Variants in CBLB observed in about 807,000 individuals in gnomAD.
CBLB encodes Cbl proto-oncogene B.
Under a neutral mutation model 104.9 loss-of-function variants are expected in CBLB, and 31 were observed. The observed-to-expected ratio is 0.30, with a 90% CI of 0.22 to 0.40. The LOEUF (loss-of-function observed/expected upper bound fraction) is 0.40. Ranked by LOEUF, CBLB falls within the 10% of genes least tolerant of loss-of-function variation. CBLB has a pLI of 1.00. For synonymous variants in CBLB, 440 were observed against 422.6 expected (o/e 1.04, Z -0.51); for missense variants, 1,062 against 1,214.6 (o/e 0.87, Z 1.87).
At chr3:105,798,209 C>T (rs1364194217) in intron 3 of CBLB, among the ~76,000 whole-genome samples, 2 of 152,202 alleles carry the variant, frequency 1.3e-5, no homozygotes, top group East Asian at 3.9e-4. Flanking sequence ...CTAGTTAATT[C>T]CTTTTCTAAA....
At chr3:105,786,862 C>T (rs75388770) in intron 3 of CBLB, among the ~76,000 whole-genome samples, 2,383 of 152,252 alleles carry the variant, frequency 0.016, 28 homozygotes, top group South Asian at 0.026. Flanking sequence ...TGTCATATAA[C>T]GTCATGAAAG....
At chr3:105,773,380 G>A (rs534916453) in intron 4 of CBLB, among the ~76,000 whole-genome samples, 2 of 152,270 alleles carry the variant, frequency 1.3e-5, no homozygotes, top group South Asian at 4.1e-4. Context: ...CTTTGGGGTC[G>A]TGGTGGGGAA....
chr3:105,852,238 T>C (rs1577870591), intron 3 of CBLB, among the ~76,000 whole-genome samples: 1 of 152,106 alleles, frequency 6.6e-6, no homozygotes, highest in Non-Finnish European at 1.5e-5. Context: ...AAATGCAAAT[T>C]GTTAGGTGAA....
At chr3:105,841,589 A>T (rs1423222863) in intron 3 of CBLB, among the ~76,000 whole-genome samples, 3 of 151,674 alleles carry the variant, frequency 2.0e-5, no homozygotes, top group African/African-American at 7.3e-5. Flanking sequence ...AGTAGCTGGG[A>T]CTACAGGCAC....
At chr3:105,850,138 C>G (rs915550173) in intron 3 of CBLB, among the ~76,000 whole-genome samples, 2 of 151,992 alleles carry the variant, frequency 1.3e-5, no homozygotes, top group African/African-American at 2.4e-5. Context: ...AGTGACGAGC[C>G]CAAAGTTACA....
chr3:105,758,990 G>A (rs2077347586), intron 4 of CBLB, among the ~76,000 whole-genome samples: 2 of 152,192 alleles, frequency 1.3e-5, no homozygotes, highest in South Asian at 2.1e-4. Context: ...CCCTGTTTGT[G>A]TTACTGTTTT....
chr3:105,697,553 C>T lies in CBLB; in HGVS notation c.1960-3965G>A, dbSNP rs529754645. On this transcript the variant is annotated intron_variant, in intron 12 of 18. Coordinates refer to ENST00000394030, the MANE Select transcript of CBLB (RefSeq NM_170662.5). ...CTATAATTTGTCCTTCAACGTCAGA[C>T]TGTACATGAAACCAGCACACACACA... Among the ~76,000 whole-genome samples, 22 of 152,116 alleles carry T rather than the reference C, an allele frequency of 1.4e-4. No individual in the cohort carries two copies. The South Asian group carries it at 4.6e-3, about 32-fold the overall frequency.
chr3:105,669,383 G>A (rs1415203808), intron 18 of CBLB, among the ~76,000 whole-genome samples: 1 of 152,148 alleles, frequency 6.6e-6, no homozygotes, highest in Non-Finnish European at 1.5e-5. Flanking sequence ...CTATGAACCT[G>A]GAAGAGGGCC....
chr3:105,805,490 G>A (rs1377368154), intron 3 of CBLB, among the ~76,000 whole-genome samples: 1 of 152,020 alleles, frequency 6.6e-6, no homozygotes, highest in Non-Finnish European at 1.5e-5. Flanking sequence ...ATGTTTAGTA[G>A]AGACGGGGTT....
intron 13 of CBLB, among the ~76,000 whole-genome samples, chr3:105,685,999 T>G (rs2066952854): frequency 6.6e-6 from 1 of 152,152 alleles, no homozygotes; most frequent in Admixed American, 6.5e-5. Context: ...AGTTGTTAGG[T>G]TTTTCTTCCT....
At chr3:105,683,603 A>G (rs1232837739) in intron 14 of CBLB, among the ~76,000 whole-genome samples, 1 of 152,200 alleles carries the variant, frequency 6.6e-6, no homozygotes, top group African/African-American at 2.4e-5. Flanking sequence ...AGCTCATCCT[A>G]CTTTAGTTTT....
At chr3:105,811,792 C>G (rs2084344170) in intron 3 of CBLB, among the ~76,000 whole-genome samples, 1 of 152,136 alleles carries the variant, frequency 6.6e-6, no homozygotes, top group African/African-American at 2.4e-5. Context: ...TCACAGCAAC[C>G]TCCACCTCCC....
At chr3:105,834,063 T>C (rs761579484) in intron 3 of CBLB, among the ~76,000 whole-genome samples, 1 of 145,334 alleles carries the variant, frequency 6.9e-6, no homozygotes, top group South Asian at 2.2e-4. Context: ...CCTTAAAAAA[T>C]ATATCAATCA....
rs1706657674 is a variant in CBLB at position 105,868,885 on chromosome 3, T to A, written c.-164A>T. 5.9e-6 allele frequency: 6 copies of A among 1,017,518 alleles called. No homozygotes were observed. In the South Asian group the frequency reaches 2.3e-4, roughly 38 times the overall value. 63.0% of individuals were successfully genotyped at this position (1,017,518 alleles called of 1,614,324 possible). A position where few individuals can be genotyped will look rare whatever the true frequency, so the allele number is the denominator to read the frequency against. Reference sequence around the variant, plus strand: ...GAAGGAGCAACCCAGCGCGCAGGCCTCCGAGACGTGGAAACGCAACAATTA... The same window carrying A: ...GAAGGAGCAACCCAGCGCGCAGGCCACCGAGACGTGGAAACGCAACAATTA... On this transcript the variant is annotated 5_prime_UTR_variant, in exon 1 of 19. Transcript: ENST00000394030.
At chr3:105,737,059 T>C in intron 8 of CBLB, 112 bp downstream of exon 8, 1 of 480,268 alleles carries the variant, frequency 2.1e-6, no homozygotes, top group South Asian at 4.8e-5. Context: ...TCCTTAAGTA[T>C]ATTTTGTATT....
intron 4 of CBLB, among the ~76,000 whole-genome samples, chr3:105,760,021 C>T (rs1363187919): frequency 6.6e-6 from 1 of 152,196 alleles, no homozygotes; most frequent in Non-Finnish European, 1.5e-5. Context: ...ATTCTGCAGC[C>T]TAAATCTATA....
intron 12 of CBLB, among the ~76,000 whole-genome samples, chr3:105,694,617 C>A (rs1470465249): frequency 1.3e-5 from 2 of 151,784 alleles, no homozygotes; most frequent in Non-Finnish European, 3.0e-5. Flanking sequence ...ATTTAAAAGA[C>A]CATACCCTTA....
Position 105,670,248 on chromosome 3 carries a change from G to C in CBLB, c.2674C>G (p.Leu892Val). ...TNRTSQDYDQ[L>V]PSCSDGSQAP... ...GCCAACTCACCTGAACATGAAGGAA[G>C]CTGATCATAGTCCTGTGATGTTCTG... is the stretch of plus-strand genomic sequence containing the variant. The change falls in exon 18 of 19, where the codon CTT becomes GTT. Residue 892 changes from leucine to valine, a missense_variant. This residue lies in a region of CBLB where 605 missense variants were observed against 582.6 expected (regional missense o/e 1.04). Transcript: ENST00000394030. The C allele has an allele frequency of 6.2e-7, 1 of 1,613,062 alleles. No homozygotes were observed. Among genetic ancestry groups the C allele is most frequent in the Non-Finnish European group, 8.5e-7 (1 of 1,179,186 alleles).
chr3:105,808,759 ATTGT>A (rs2083857538), intron 3 of CBLB, among the ~76,000 whole-genome samples: 3 of 152,320 alleles, frequency 2.0e-5, no homozygotes, highest in Admixed American at 6.5e-5. Flanking sequence ...ATAAGTATTC[ATTGT>A]TTATTTGGTT....
Sources: gnomAD v4.1 joint callset for allele counts (sites outside exome capture counted in the v4.1 genomes callset) on GRCh38, gnomAD v4.1.1 for gene constraint, gnomAD v4.1.1 regional missense constraint, MANE v1.5 for transcripts, NCBI Gene and HGNC (gene_info 2026-07-23, HGNC 2026-07-21) for gene names.